Variants in PIR observed in about 807,000 individuals in gnomAD.
The protein encoded by PIR is pirin (iron-binding nuclear protein).
PIR carries 22 observed loss-of-function variants against 24.2 expected under a neutral mutation model. That is an observed-to-expected ratio of 0.91 (90% CI 0.65 to 1.30). The LOEUF (loss-of-function observed/expected upper bound fraction) is 1.30, where lower values mean the gene tolerates loss of function less well. PIR is among the 50% of genes most tolerant of loss of function. The probability of loss-of-function intolerance (pLI) is 0.00; values close to 1 mark genes in which losing one functional copy is unlikely to be tolerated. For missense variants in PIR, 220 were observed against 220.3 expected, an observed-to-expected ratio of 1.00 and a Z score of 0.01; for synonymous variants, 80 against 79.6, an observed-to-expected ratio of 1.00 and a Z score of -0.03.
intron 3 of PIR, among the ~76,000 whole-genome samples, chrX:15,474,307 T>G (rs1015613751): frequency 1.8e-5 from 2 of 112,403 alleles, no homozygotes; most frequent in Non-Finnish European, 3.8e-5. Flanking sequence ...GTATGGCTGC[T>G]GGGATTAGCC....
chrX:15,446,876 A>C (rs1393219630), intron 5 of PIR, among the ~76,000 whole-genome samples: 1 of 111,992 alleles, frequency 8.9e-6, no homozygotes, highest in Non-Finnish European at 1.9e-5. Flanking sequence ...TTACTAAGCC[A>C]AAGGAATACT....
chrX:15,462,105 G>T (rs756274157), intron 3 of PIR, among the ~76,000 whole-genome samples: 4 of 111,586 alleles, frequency 3.6e-5, no homozygotes, highest in Non-Finnish European at 7.5e-5. Context: ...CTAAAAAGCA[G>T]AAGAAAAGTA....
chrX:15,395,902 C>G (rs768465717), intron 8 of PIR, among the ~76,000 whole-genome samples: 2 of 112,042 alleles, frequency 1.8e-5, no homozygotes, highest in African/African-American at 3.2e-5. Context: ...GCCACTGGAG[C>G]CAGGAGTGCT....
At chrX:15,429,734 T>C (rs1000159005) in intron 5 of PIR, 2 of 109,961 alleles carry the variant, frequency 1.8e-5, no homozygotes, top group Non-Finnish European at 3.8e-5. Context: ...TGGTCGTCTG[T>C]AGTCCCAGCT....
At chrX:15,454,670 A>G (rs146233994) in intron 5 of PIR, among the ~76,000 whole-genome samples, 3 of 111,437 alleles carry the variant, frequency 2.7e-5, no homozygotes, top group South Asian at 7.6e-4. Flanking sequence ...ATTAAAATTT[A>G]CAGAAGTTAG....
At chrX:15,457,843 G>GT (rs1175043934) in intron 4 of PIR, among the ~76,000 whole-genome samples, 2 of 112,336 alleles carry the variant, frequency 1.8e-5, no homozygotes, top group Middle Eastern at 4.6e-3. Flanking sequence ...CCTGCCACCT[G>GT]TTTTTGTAAA....
intron 6 of PIR, among the ~76,000 whole-genome samples, chrX:15,413,032 T>G (rs1924796165): frequency 8.9e-6 from 1 of 112,362 alleles, no homozygotes; most frequent in Non-Finnish European, 1.9e-5. Context: ...ACATCAAACA[T>G]ACTGTTTCTA....
intron 3 of PIR, chrX:15,464,574 C>A: frequency 3.8e-6 from 1 of 262,538 alleles, no homozygotes; most frequent in Non-Finnish European, 5.3e-6. Flanking sequence ...GACAATGCAG[C>A]TCCGACTTTA....
Position 15,491,142 on chromosome X carries a change from C to G in PIR, c.96+20G>C. On this transcript the variant is annotated intron_variant, in intron 2 of 9. Transcript: ENST00000380420. ...TCCCTTCTGAAAAGAAAACAAGGAG[C>G]AGCCACCCAACTAGCATACCTCGGG... 9.2e-7 allele frequency: 1 copy of G among 1,083,739 alleles called. No homozygotes were observed. Among genetic ancestry groups the G allele is most frequent in the Admixed American group, 2.3e-5 (1 of 44,288 alleles). 89.3% of individuals were successfully genotyped at this position (1,083,739 alleles called of 1,213,427 possible). A position where few individuals can be genotyped will look rare whatever the true frequency, so the allele number is the denominator to read the frequency against.
chrX:15,490,862 G>A (rs964048924), intron 2 of PIR, among the ~76,000 whole-genome samples: 1 of 112,171 alleles, frequency 8.9e-6, no homozygotes, highest in African/African-American at 3.2e-5. Flanking sequence ...CATGTTTGGC[G>A]ATATGCATGC....
At chrX:15,440,545 T>C in intron 5 of PIR, among the ~76,000 whole-genome samples, 1 of 110,864 alleles carries the variant, frequency 9.0e-6, no homozygotes, top group Non-Finnish European at 1.9e-5. Flanking sequence ...TTGGATAATG[T>C]CAACTTGCTC....
chrX:15,468,847 A>G (rs1245419786), intron 3 of PIR, among the ~76,000 whole-genome samples: 1 of 112,876 alleles, frequency 8.9e-6, no homozygotes, highest in Non-Finnish European at 1.9e-5. Context: ...GATAGTATGG[A>G]GAGTCCACCC....
At chrX:15,419,348 TG>T (rs2147025714) in intron 6 of PIR, among the ~76,000 whole-genome samples, 1 of 86,185 alleles carries the variant, frequency 1.2e-5, no homozygotes, top group African/African-American at 7.3e-5. Context: ...TAAGTCTGTG[TG>T]TGTGTGTGTG....
chrX:15,403,982 T>C (rs1924471271), intron 7 of PIR, among the ~76,000 whole-genome samples: 1 of 99,258 alleles, frequency 1.0e-5, no homozygotes, highest in Non-Finnish European at 2.0e-5. Flanking sequence ...TAGTTAAACA[T>C]CCAGCATTTT....
chrX:15,476,427 G>T (rs1922195412), intron 3 of PIR, among the ~76,000 whole-genome samples: 1 of 111,650 alleles, frequency 9.0e-6, no homozygotes, highest in African/African-American at 3.3e-5. Context: ...TGCTTATGTT[G>T]TTCCAGTGCA....
At chrX:15,440,250 C>T (rs900836479) in intron 5 of PIR, among the ~76,000 whole-genome samples, 1 of 111,749 alleles carries the variant, frequency 8.9e-6, no homozygotes, top group African/African-American at 3.3e-5. Context: ...GTGTGCTAAA[C>T]TGCTTTCTTT....
Position 15,458,832 on chromosome X carries a change from C to T in PIR, c.273+825G>A, listed in dbSNP as rs763762875. On this transcript the variant is annotated intron_variant, in intron 4 of 9. Transcript: ENST00000380420. Reference sequence around the variant, plus strand: ...CAGATGGCAGAAGTCACCACTTCCACGATCAGGACATTTCCAGTCATCATA... The same window carrying T: ...CAGATGGCAGAAGTCACCACTTCCATGATCAGGACATTTCCAGTCATCATA... Among the ~76,000 whole-genome samples, 12 of 112,478 alleles carry T rather than the reference C, an allele frequency of 1.1e-4. No individual in the cohort carries two copies. The South Asian group carries it at 3.7e-3, about 34-fold the overall frequency.
chrX:15,444,354 A>C (rs1283388534), intron 5 of PIR, among the ~76,000 whole-genome samples: 2 of 112,623 alleles, frequency 1.8e-5, no homozygotes, highest in Admixed American at 9.4e-5. Context: ...TAAGGCATGT[A>C]CTTTTTTAGA....
rs1923814768 is a variant in PIR, at chrX:15,387,548, A to G, written c.761-2432T>C. Among the ~76,000 whole-genome samples the G allele has an allele frequency of 3.6e-5, 4 of 111,654 alleles. No homozygotes were observed. In the South Asian group the frequency reaches 1.5e-3, roughly 41 times the overall value. On this transcript the variant is annotated intron_variant, in intron 9 of 9. Transcript: ENST00000380420. ...GTTTGGACTATATCAGGTAGGAAAGAAAAAGAGAGTTAACATATGCAGAAT... is the reference window on the plus strand; with the variant it reads ...GTTTGGACTATATCAGGTAGGAAAGGAAAAGAGAGTTAACATATGCAGAAT...
Sources: gnomAD v4.1 joint callset for allele counts (sites outside exome capture counted in the v4.1 genomes callset) on GRCh38, gnomAD v4.1.1 for gene constraint, MANE v1.5 for transcripts, NCBI Gene and HGNC (gene_info 2026-07-23, HGNC 2026-07-21) for gene names.